The following PUS10 variants were observed in gnomAD, a reference collection of about 807,000 sequenced individuals.
The protein encoded by PUS10 is tRNA pseudouridine synthase Pus10.
In PUS10, 59 loss-of-function variants were observed where a neutral mutation model predicts 75.0. That is an observed-to-expected ratio of 0.79 (90% confidence interval 0.64 to 0.98). PUS10 has a LOEUF of 0.98. Ranked by LOEUF, PUS10 falls within the 50% of genes least tolerant of loss-of-function variation. PUS10 has a pLI of 0.00. For synonymous variants in PUS10, 219 were observed against 211.6 expected (o/e 1.03, Z -0.30); for missense variants, 650 against 614.4 (o/e 1.06, Z -0.61).
Position 61,010,981 on chromosome 2 carries a change from T to C in PUS10, c.126+784A>G, listed in dbSNP as rs1679561186. 2.1e-5 allele frequency: 31 copies of C among 1,444,560 alleles called. No homozygotes were observed. The South Asian group carries it at 3.2e-4, about 15-fold the overall frequency. 89.5% of individuals were successfully genotyped at this position (1,444,560 alleles called of 1,614,324 possible). Reference sequence around the variant, plus strand: ...GACATATAGTAATGATAATTGAATATTGTGTATTATTATTGCCAAAATAAT... The same window carrying C: ...GACATATAGTAATGATAATTGAATACTGTGTATTATTATTGCCAAAATAAT... On this transcript the variant is annotated intron_variant, in intron 2 of 17. Transcript: ENST00000316752.
At chr2:60,960,843 T>TAAAAAAAAAAAAAAA (rs34578958) in intron 10 of PUS10, among the ~76,000 whole-genome samples, 1 of 120,666 alleles carries the variant, frequency 8.3e-6, no homozygotes, top group African/African-American at 3.1e-5. Context: ...ATACCAAGGA[T>TAAAAAAAAAAAAAAA]AAAAAAAAAA....
In PUS10 at chr2:60,983,695, A is replaced by G. The variant is rs866208123; in HGVS notation, c.469-12138T>C. ...TGCATCTCAAAAAAAAAAAAATTAG[A>G]TAAAGTGTACCTATCAGAATAGAGC... On this transcript the variant is annotated intron_variant, in intron 4 of 17. Coordinates refer to ENST00000316752, the MANE Select transcript of PUS10 (RefSeq NM_144709.4). 3.3e-5 allele frequency among the ~76,000 whole-genome samples: 5 copies of G among 152,218 alleles called. No homozygotes were observed. The South Asian group carries it at 1.0e-3, about 32-fold the overall frequency.
At chr2:60,991,052 A>T (rs1678040702) in intron 4 of PUS10, among the ~76,000 whole-genome samples, 1 of 151,660 alleles carries the variant, frequency 6.6e-6, no homozygotes, top group South Asian at 2.1e-4. Flanking sequence ...CTAACATTTT[A>T]TTTTTTTGTA....
chr2:61,017,784 C>A (rs762898168), intron 1 of PUS10: 1 of 1,550,182 alleles, frequency 6.5e-7, no homozygotes, highest in Admixed American at 2.0e-5. Context: ...GCCACCTCCC[C>A]CCAAACCCTG....
chr2:60,944,930 TA>T lies in PUS10; in HGVS notation c.1551+78del, dbSNP rs978441474. ...AAATACCTATGGAGGTGGGTGATAC[TA>T]AAATGGCTTAATGCCAAAGAGCATA... On this transcript the variant is annotated intron_variant, in intron 17 of 17. Coordinates refer to ENST00000316752, the MANE Select transcript of PUS10 (RefSeq NM_144709.4). The T allele has an allele frequency of 4.1e-5, 41 of 1,011,870 alleles. 1 individual carries two copies. The highest frequency in any genetic ancestry group is 6.0e-5 in the Non-Finnish European group (38 of 636,826). The allele number at this position is 1,011,870 out of a possible 1,614,324, so 62.7% of individuals were successfully genotyped here. A position where few individuals can be genotyped will look rare whatever the true frequency, so the allele number is the denominator to read the frequency against.
At chr2:61,007,150 G>A (rs1679263746) in intron 3 of PUS10, among the ~76,000 whole-genome samples, 1 of 149,982 alleles carries the variant, frequency 6.7e-6, no homozygotes, top group African/African-American at 2.4e-5. Context: ...TGAAATACAT[G>A]AATACACATT....
intron 4 of PUS10, among the ~76,000 whole-genome samples, chr2:60,996,596 TA>T (rs1271182070): frequency 1.3e-3 from 184 of 143,050 alleles, no homozygotes; most frequent in Middle Eastern, 3.6e-3. Flanking sequence ...TGGTATGGTT[TA>T]AAAAAAAAAA....
chr2:61,011,701 T>C, intron 2 of PUS10, 64 bp downstream of exon 2: 3 of 1,256,188 alleles, frequency 2.4e-6, no homozygotes, highest in Non-Finnish European at 2.1e-6. Flanking sequence ...AGTACAAGCA[T>C]TCATTGTAAA....
At chr2:61,003,048 C>G (rs1237333938) in intron 4 of PUS10, among the ~76,000 whole-genome samples, 2 of 152,258 alleles carry the variant, frequency 1.3e-5, no homozygotes, top group Middle Eastern at 3.4e-3. Flanking sequence ...GAGATATACT[C>G]CATCCTGCTT....
At chr2:60,961,172 G>A (rs1032951365) in intron 10 of PUS10, among the ~76,000 whole-genome samples, 6 of 152,080 alleles carry the variant, frequency 3.9e-5, no homozygotes, top group African/African-American at 1.4e-4. Context: ...CCAGTTTTGG[G>A]TCTCTGCATC....
chr2:61,005,206 A>G (rs1285987531), intron 4 of PUS10, among the ~76,000 whole-genome samples: 2 of 152,220 alleles, frequency 1.3e-5, no homozygotes, highest in African/African-American at 2.4e-5. Context: ...GGTTGCAGTG[A>G]GCCGAGATGG....
chr2:60,948,189 G>C lies in PUS10; in HGVS notation c.1309-4C>G, dbSNP rs1311189356. The C allele has an allele frequency of 1.9e-6, 3 of 1,613,946 alleles. No individual in the cohort carries two copies. Among genetic ancestry groups the C allele is most frequent in the African/African-American group, 1.3e-5 (1 of 75,026 alleles). On this transcript the variant is annotated splice_polypyrimidine_tract_variant and splice_region_variant and intron_variant, in intron 15 of 17. Coordinates refer to ENST00000316752, the MANE Select transcript of PUS10 (RefSeq NM_144709.4). ...TTTTCTGGTCGATTTTTAAGTCCTAGGGGAGAATATGACACACAGTCCCAG... is the reference window on the plus strand; with the variant it reads ...TTTTCTGGTCGATTTTTAAGTCCTACGGGAGAATATGACACACAGTCCCAG...
At chr2:60,992,122 C>T (rs1325977837) in intron 4 of PUS10, among the ~76,000 whole-genome samples, 1 of 151,934 alleles carries the variant, frequency 6.6e-6, no homozygotes, top group Non-Finnish European at 1.5e-5. Flanking sequence ...AGCGATTCTC[C>T]TGCCTCAGCT....
chr2:60,965,652 G>A, intron 6 of PUS10, 168 bp from the exon 7 acceptor site: 1 of 489,166 alleles, frequency 2.0e-6, no homozygotes, highest in Non-Finnish European at 3.6e-6. Context: ...CAGCTGTAAA[G>A]GAAATAGTTT....
At chr2:60,975,761 G>GC (rs1676997845) in intron 4 of PUS10, among the ~76,000 whole-genome samples, 1 of 145,158 alleles carries the variant, frequency 6.9e-6, no homozygotes, top group East Asian at 2.0e-4. Flanking sequence ...CTTTTTCTTT[G>GC]TTTTTTTTCT....
intron 4 of PUS10, chr2:60,998,604 C>G (rs779706672): frequency 6.6e-6 from 1 of 152,130 alleles, no homozygotes; most frequent in African/African-American, 2.4e-5. Flanking sequence ...GCGGGAGAAT[C>G]GCTTGAACCT....
chr2:61,017,782 C>T lies in PUS10; in HGVS notation c.-16+226G>A. The T allele has an allele frequency of 6.5e-7, 1 of 1,550,186 alleles. No individual in the cohort carries two copies. The highest frequency in any genetic ancestry group is 1.2e-5 in the South Asian group (1 of 83,958). ...GAGATGGCGTCCCAGCCGCCACCTCCCCCCAAACCCTGGGAGACCCGCCGA... is the reference window on the plus strand; with the variant it reads ...GAGATGGCGTCCCAGCCGCCACCTCTCCCCAAACCCTGGGAGACCCGCCGA... On this transcript the variant is annotated intron_variant, in intron 1 of 17. Transcript: ENST00000316752.
At position 61,018,032 on chromosome 2, in the gene PUS10, G is replaced by A; in HGVS notation, c.-40C>T. ...CCAGTGGGGACTTTAGTGTCTCACA[G>A]CTGTTTCTGACCCGGCAGCTCTAAT... is the stretch of plus-strand genomic sequence containing the variant. On this transcript the variant is annotated 5_prime_UTR_variant, in exon 1 of 18. Transcript: ENST00000316752. 7.0e-7 allele frequency: 1 copy of A among 1,424,280 alleles called. No homozygotes were observed. Among genetic ancestry groups the A allele is most frequent in the Non-Finnish European group, 9.4e-7 (1 of 1,067,496 alleles). 88.2% of individuals were successfully genotyped at this position (1,424,280 alleles called of 1,614,324 possible).
At chr2:60,949,091 G>T (rs937350071) in intron 15 of PUS10, among the ~76,000 whole-genome samples, 1 of 152,000 alleles carries the variant, frequency 6.6e-6, no homozygotes, top group Non-Finnish European at 1.5e-5. Flanking sequence ...CATTTGAAAG[G>T]GTGTGACTGC....
Sources: gnomAD v4.1 joint callset for allele counts (sites outside exome capture counted in the v4.1 genomes callset) on GRCh38, gnomAD v4.1.1 for gene constraint, MANE v1.5 for transcripts, NCBI Gene and HGNC (gene_info 2026-07-23, HGNC 2026-07-21) for gene names.